SETX: variants seen among roughly 807,000 people sequenced by gnomAD.
SETX encodes senataxin.
Under a neutral mutation model 227.2 loss-of-function variants are expected in SETX, and 90 were observed. That is an observed-to-expected ratio of 0.40 (90% CI 0.33 to 0.47). The LOEUF (loss-of-function observed/expected upper bound fraction) is 0.47, where lower values mean the gene tolerates loss of function less well. Ranked by LOEUF, SETX falls within the 20% of genes least tolerant of loss-of-function variation. SETX has a pLI of 0.91. For synonymous variants in SETX, 1,210 were observed against 1,113.2 expected (o/e 1.09, Z -1.73); for missense variants, 3,052 against 3,181.5 (o/e 0.96, Z 0.98).
At chr9:132,318,017 T>C (rs539429691) in intron 10 of SETX, among the ~76,000 whole-genome samples, 4 of 152,206 alleles carry the variant, frequency 2.6e-5, no homozygotes, top group African/African-American at 7.2e-5. Flanking sequence ...ATTACACATA[T>C]ATTAACACTT....
chr9:132,311,537 TGTAG>T (rs1435077224), intron 11 of SETX, among the ~76,000 whole-genome samples: 2 of 152,266 alleles, frequency 1.3e-5, no homozygotes, highest in East Asian at 3.9e-4. Flanking sequence ...CAATTCAGCC[TGTAG>T]TATTCTAACT....
rs2131506013 is a variant in SETX at position 132,336,444 on chromosome 9, T to C, written c.570A>G (p.Gln190=). The change falls in exon 6 of 26, where the codon CAA becomes CAG. Residue 190 remains glutamine, a synonymous_variant. Transcript: ENST00000224140. ...CTTTAAAAAGGCAAAGTAAAACTTC[T>C]TGTAAGTCATAATAATCATCTCTGT... is the stretch of plus-strand genomic sequence containing the variant. The part of the protein sequence containing the change: ...KVDRDDYYDL[Q]EVLLCLFKVI... 2 of 1,614,160 alleles carry C rather than the reference T, an allele frequency of 1.2e-6. No individual in the cohort carries two copies. The highest frequency in any genetic ancestry group is 1.7e-6 in the Non-Finnish European group (2 of 1,180,018).
Position 132,264,590 on chromosome 9 carries a change from C to G in SETX, c.7683G>C (p.Ser2561=). 4 of 1,614,110 alleles carry G rather than the reference C, an allele frequency of 2.5e-6. No homozygotes were observed. The highest frequency in any genetic ancestry group is 3.4e-6 in the Non-Finnish European group (4 of 1,180,020). The change falls in exon 26 of 26, where the codon TCG becomes TCC. Residue 2561 remains serine (S), a synonymous_variant. Coordinates refer to ENST00000224140, the MANE Select transcript of SETX (RefSeq NM_015046.7). ...GGIFLWDPQP[S]SPQHPGATPP... ...GTGTTGCTCCAGGATGCTGGGGGCT[C>G]GAGGGTTGTGGATCCCAAAGGAATA...
chr9:132,277,744 C>A (rs1051457294), intron 21 of SETX, among the ~76,000 whole-genome samples: 22 of 146,820 alleles, frequency 1.5e-4, no homozygotes, highest in Middle Eastern at 7.1e-3. Context: ...GGACTGTGTG[C>A]CACTGCACTC....
intron 8 of SETX, 60 bp downstream of exon 8, chr9:132,331,217 T>C (rs1847214664): frequency 6.2e-7 from 1 of 1,608,714 alleles, no homozygotes; most frequent in Non-Finnish European, 8.5e-7. Flanking sequence ...TTAAGTAATC[T>C]AGCTGGAACA....
chr9:132,346,262 A>T lies in SETX; in HGVS notation c.387T>A (p.Val129=), dbSNP rs1301595957. 3.1e-6 allele frequency: 5 copies of T among 1,609,996 alleles called. No homozygotes were observed. The highest frequency in any genetic ancestry group is 4.3e-6 in the Non-Finnish European group (5 of 1,176,330). ...TTGAGGAACCATCAAGATACTCACT[A>T]ACACGTTCATGTAGAAGCAAGTAAG... ...KYPYLLLHER[V]NELCVEALCR... The change falls in exon 4 of 26, where the codon GTT becomes GTA. Residue 129 remains valine, a splice_region_variant and synonymous_variant. Transcript: ENST00000224140.
At chr9:132,332,678 T>C (rs1019358857) in intron 7 of SETX, among the ~76,000 whole-genome samples, 1 of 152,186 alleles carries the variant, frequency 6.6e-6, no homozygotes, top group African/African-American at 2.4e-5. Context: ...TCCCAACACT[T>C]TGGGAGGCCG....
intron 5 of SETX, among the ~76,000 whole-genome samples, chr9:132,340,388 A>G (rs1847887336): frequency 1.3e-5 from 2 of 152,132 alleles, no homozygotes; most frequent in Non-Finnish European, 2.9e-5. Flanking sequence ...TGAAATCTTC[A>G]TGTTTCTCAT....
At position 132,310,047 on chromosome 9, in the gene SETX, C is replaced by T. The variant is rs574237921; in HGVS notation, c.5374+1710G>A. ...TCAAAGTGAGGAAATGACTTCTACC[C>T]AGATTATATAAAGAACTCCTACAAA... On this transcript the variant is annotated intron_variant, in intron 11 of 25. Transcript: ENST00000224140. 2.6e-5 allele frequency among the ~76,000 whole-genome samples: 4 copies of T among 152,116 alleles called. No individual in the cohort carries two copies. In the South Asian group the frequency reaches 8.3e-4, roughly 32 times the overall value.
intron 3 of SETX, among the ~76,000 whole-genome samples, chr9:132,346,769 A>G (rs1848316257): frequency 6.9e-6 from 1 of 144,542 alleles, no homozygotes; most frequent in Non-Finnish European, 1.5e-5. Flanking sequence ...CTGGGTAGCA[A>G]AGCAAGACCC....
intron 7 of SETX, among the ~76,000 whole-genome samples, chr9:132,333,383 G>GA (rs1239660225): frequency 1.4e-3 from 10 of 7,340 alleles, no homozygotes; most frequent in African/African-American, 5.4e-3. Context: ...GTCTCAAAAA[G>GA]AAAAAAAAAA....
At position 132,328,137 on chromosome 9, in the gene SETX, T is replaced by A; in HGVS notation, c.3461A>T (p.Glu1154Val). The part of the protein sequence containing the change: ...PRSISVEEFC[E>V]IEVKKPKRKR... ...TCTCTTAGGCTTTTTTACTTCAATT[T>A]CACAAAATTCTTCAACAGAAATACT... Residue 1154 changes from glutamate to valine, a missense_variant, in exon 10 of 26, where the codon GAA becomes GTA. Coordinates refer to ENST00000224140, the MANE Select transcript of SETX (RefSeq NM_015046.7). The A allele has an allele frequency of 6.2e-7, 1 of 1,614,122 alleles. No individual in the cohort carries two copies. The highest frequency in any genetic ancestry group is 1.3e-5 in the African/African-American group (1 of 75,022).
intron 9 of SETX, 116 bp from the exon 10 acceptor site, chr9:132,330,615 C>A: frequency 1.2e-6 from 1 of 805,168 alleles, no homozygotes; most frequent in Non-Finnish European, 2.1e-6. Flanking sequence ...TTTACCACAT[C>A]ATTATTATGC....
chr9:132,281,510 A>G lies in SETX; in HGVS notation c.6611T>C (p.Leu2204Pro), dbSNP rs1342681642. 1 of 1,614,078 alleles carries G rather than the reference A, an allele frequency of 6.2e-7. No individual in the cohort carries two copies. Among genetic ancestry groups the G allele is most frequent in the East Asian group, 2.2e-5 (1 of 44,880 alleles). Residue 2204 changes from leucine (L) to proline (P), a missense_variant, in exon 20 of 26, where the codon CTA (leucine) becomes CCA (proline). This residue lies in a region of SETX where 412 missense variants were observed against 589.0 expected (regional missense o/e 0.70). Coordinates refer to ENST00000224140, the MANE Select transcript of SETX (RefSeq NM_015046.7). ...PLIHRCNKLI[L>P]VGDPKQLPPT... is the part of the protein sequence containing the mutation. ...AGGGAGCTGCTTAGGATCTCCTACTAGGATGAGCTTATTGCAGCGATGGAT... is the reference window on the plus strand; with the variant it reads ...AGGGAGCTGCTTAGGATCTCCTACTGGGATGAGCTTATTGCAGCGATGGAT...
chr9:132,293,525 G>T (rs535167556), intron 15 of SETX, among the ~76,000 whole-genome samples: 1 of 152,084 alleles, frequency 6.6e-6, no homozygotes, highest in Non-Finnish European at 1.5e-5. Flanking sequence ...GGGTTCAAGT[G>T]ATTCTCCCGC....
chr9:132,269,619 A>C lies in SETX; in HGVS notation c.7283T>G (p.Leu2428Arg). 2 of 1,614,114 alleles carry C rather than the reference A, an allele frequency of 1.2e-6. No individual in the cohort carries two copies. Among genetic ancestry groups the C allele is most frequent in the Non-Finnish European group, 8.5e-7 (1 of 1,179,904 alleles). Residue 2428 changes from leucine (L) to arginine (R), a missense_variant, in exon 25 of 26, where the codon CTG becomes CGG. By Grantham distance (102) the Leu-to-Arg change is moderately radical. Around this residue, in one of 10 missense-constraint regions of SETX, gnomAD observed 412 missense variants for 589.0 expected, o/e 0.70. Transcript: ENST00000224140. Reference sequence around the variant, plus strand: ...TCTGAGCTCTCTGGTACCTACCATCAGGGTCCTCAAATGTCCGAGGATGAA... The same window carrying C: ...TCTGAGCTCTCTGGTACCTACCATCCGGGTCCTCAAATGTCCGAGGATGAA... ...SLFILGHLRTLMENQHWNQLI... is the reference protein window; with the variant it reads ...SLFILGHLRTRMENQHWNQLI...
At chr9:132,290,608 A>C (rs1844237916) in intron 15 of SETX, among the ~76,000 whole-genome samples, 1 of 143,804 alleles carries the variant, frequency 7.0e-6, no homozygotes, top group Admixed American at 7.0e-5. Flanking sequence ...AAAATTCACC[A>C]CTACAGCCAG....
intron 10 of SETX, among the ~76,000 whole-genome samples, chr9:132,317,370 T>G (rs1164620672): frequency 6.6e-6 from 1 of 152,236 alleles, no homozygotes; most frequent in African/African-American, 2.4e-5. Flanking sequence ...TTGCTCCATT[T>G]TTGTCATTTT....
rs1458693678 is a variant in SETX, at chr9:132,269,651, G to A, written c.7251C>T (p.Tyr2417=). Residue 2417 remains tyrosine (Y), a synonymous_variant, in exon 25 of 26, where the codon TAC becomes TAT. Coordinates refer to ENST00000224140, the MANE Select transcript of SETX (RefSeq NM_015046.7). ...TCAAATGTCCGAGGATGAAGAGGCTGTACTTGGCTCGTGTGATGGTGACAT... is the reference window on the plus strand; with the variant it reads ...TCAAATGTCCGAGGATGAAGAGGCTATACTTGGCTCGTGTGATGGTGACAT... ...RLNVTITRAK[Y]SLFILGHLRT... 20 of 1,614,104 alleles carry A rather than the reference G, an allele frequency of 1.2e-5. No homozygotes were observed. Among genetic ancestry groups the A allele is most frequent in the East Asian group, 2.2e-5 (1 of 44,902 alleles).
Sources: gnomAD v4.1 joint callset for allele counts (sites outside exome capture counted in the v4.1 genomes callset) on GRCh38, gnomAD v4.1.1 for gene constraint, gnomAD v4.1.1 regional missense constraint, MANE v1.5 for transcripts, NCBI Gene and HGNC (gene_info 2026-07-23, HGNC 2026-07-21) for gene names.